Variants in PEX7 observed in about 807,000 individuals in gnomAD.
The protein encoded by PEX7 is peroxisomal biogenesis factor 7, also known as PTS2 receptor.
A neutral mutation model predicts 47.5 loss-of-function variants in PEX7; 34 were observed. The ratio of observed to expected loss-of-function variants is 0.72; its 90% CI spans 0.54 to 0.95. The LOEUF is 0.95. Among genes scored for constraint, PEX7 ranks in the 40% least tolerant of loss-of-function variants. The pLI, the probability that PEX7 is intolerant of heterozygous loss-of-function variation, is 0.00. For synonymous variants in PEX7, 141 were observed against 148.8 expected, an observed-to-expected ratio of 0.95 and a Z score of 0.38; for missense variants, 394 against 400.3, an observed-to-expected ratio of 0.98 and a Z score of 0.13.
chr6:136,895,631 T>A (rs1775635239), intron 8 of PEX7, among the ~76,000 whole-genome samples: 2 of 152,366 alleles, frequency 1.3e-5, no homozygotes, highest in Admixed American at 1.3e-4. Context: ...TTATGTTTCG[T>A]CCAGGGTTTT....
chr6:136,900,452 C>T lies in PEX7; in HGVS notation c.903+2211C>T, dbSNP rs1299153162. 2.2e-6 allele frequency: 1 copy of T among 449,584 alleles called. No homozygotes were observed. Among genetic ancestry groups the T allele is most frequent in the Admixed American group, 2.3e-5 (1 of 43,404 alleles). The allele number at this position is 449,584 out of a possible 1,614,324, so 27.8% of individuals were successfully genotyped here. ...GCAGTGTGAGCCACAGACTTGGGACCAAGGACATTGCCCCCCCAGTGACAG... is the reference window on the plus strand; with the variant it reads ...GCAGTGTGAGCCACAGACTTGGGACTAAGGACATTGCCCCCCCAGTGACAG... On this transcript the variant is annotated intron_variant, in intron 9 of 9. Coordinates refer to ENST00000318471, the MANE Select transcript of PEX7 (RefSeq NM_000288.4). This position sits in a 1 kb window ranked among gnomAD's most constrained non-coding sequence, Gnocchi z 4.2.
chr6:136,891,595 C>A (rs1485920357), intron 8 of PEX7, among the ~76,000 whole-genome samples: 1 of 151,324 alleles, frequency 6.6e-6, no homozygotes, highest in Non-Finnish European at 1.5e-5. Context: ...ATGTTACCAT[C>A]AGTAAATATT....
intron 5 of PEX7, among the ~76,000 whole-genome samples, chr6:136,860,586 G>A (rs58894761): frequency 0.017 from 2,580 of 151,146 alleles, 76 homozygotes; most frequent in African/African-American, 0.06. Context: ...GTTAATGGGT[G>A]CAGCACACCA....
chr6:136,910,788 T>C (rs754757023), intron 9 of PEX7, among the ~76,000 whole-genome samples: 14 of 152,248 alleles, frequency 9.2e-5, no homozygotes, highest in Non-Finnish European at 2.1e-4. Flanking sequence ...AAAAGCACTC[T>C]CTTGCTACTT....
At chr6:136,897,873 T>G (rs1405652275) in intron 8 of PEX7, among the ~76,000 whole-genome samples, 2 of 152,070 alleles carry the variant, frequency 1.3e-5, no homozygotes, top group East Asian at 3.8e-4. Flanking sequence ...TTGTTAAGCT[T>G]CTGTCCTAAA....
chr6:136,872,872 A>T (rs925505017), intron 8 of PEX7, among the ~76,000 whole-genome samples: 7 of 152,168 alleles, frequency 4.6e-5, no homozygotes, highest in Non-Finnish European at 1.0e-4. Flanking sequence ...ATGCTTAGAA[A>T]GTAGTTCAGA....
intron 5 of PEX7, among the ~76,000 whole-genome samples, chr6:136,849,562 T>C (rs1190146833): frequency 6.6e-6 from 1 of 152,226 alleles, no homozygotes; most frequent in Non-Finnish European, 1.5e-5. Context: ...GTCTTTGTTC[T>C]CATTGGTTTC....
chr6:136,880,114 C>G (rs1363701795), intron 8 of PEX7, among the ~76,000 whole-genome samples: 1 of 150,096 alleles, frequency 6.7e-6, no homozygotes, highest in Non-Finnish European at 1.5e-5. Context: ...TTACGGTTTT[C>G]TACTTCACTA....
chr6:136,861,899 A>G (rs1450924272), intron 5 of PEX7, among the ~76,000 whole-genome samples: 2 of 146,062 alleles, frequency 1.4e-5, no homozygotes, highest in Non-Finnish European at 3.0e-5. Context: ...CTATGTTTAT[A>G]TATATATTCA....
At chr6:136,868,459 C>A (rs1279488060) in intron 6 of PEX7, among the ~76,000 whole-genome samples, 1 of 151,862 alleles carries the variant, frequency 6.6e-6, no homozygotes, top group East Asian at 1.9e-4. Context: ...AATGATATTA[C>A]TCAATCTAAA....
intron 4 of PEX7, 38 bp downstream of exon 4, chr6:136,845,730 C>CA: frequency 1.3e-5 from 16 of 1,215,706 alleles, no homozygotes; most frequent in Non-Finnish European, 1.8e-5. Flanking sequence ...CGAATATTCC[C>CA]TTCTCTAGAG....
At chr6:136,836,211 T>C (rs570882476) in intron 3 of PEX7, among the ~76,000 whole-genome samples, 1 of 138,712 alleles carries the variant, frequency 7.2e-6, no homozygotes, top group South Asian at 2.4e-4. Flanking sequence ...TATGTAAATA[T>C]ATGTAAAATT....
chr6:136,849,952 G>T (rs1293267602), intron 5 of PEX7, among the ~76,000 whole-genome samples: 2 of 152,034 alleles, frequency 1.3e-5, no homozygotes, highest in Admixed American at 1.3e-4. Flanking sequence ...TGACAGTGGG[G>T]TGTTAAAGTC....
At chr6:136,901,278 AGTTATCT>A (rs1184410700) in intron 9 of PEX7, 1 of 152,278 alleles carries the variant, frequency 6.6e-6, no homozygotes, top group African/African-American at 2.4e-5. Context: ...CACTTTTGTC[AGTTATCT>A]ATTACTGTGT....
At chr6:136,863,282 C>T (rs1481333363) in intron 5 of PEX7, among the ~76,000 whole-genome samples, 2 of 152,134 alleles carry the variant, frequency 1.3e-5, no homozygotes, top group African/African-American at 4.8e-5. Flanking sequence ...TTTGGCCTGT[C>T]AGCTGTGGTC....
At chr6:136,856,637 G>A (rs1286101330) in intron 5 of PEX7, among the ~76,000 whole-genome samples, 1 of 152,346 alleles carries the variant, frequency 6.6e-6, no homozygotes, top group Non-Finnish European at 1.5e-5. Context: ...GGGTGAGGGG[G>A]ATACAATATT....
At chr6:136,883,372 G>C (rs939011043) in intron 8 of PEX7, among the ~76,000 whole-genome samples, 2 of 152,142 alleles carry the variant, frequency 1.3e-5, no homozygotes, top group Non-Finnish European at 2.9e-5. Flanking sequence ...TCTGGCAAAA[G>C]CCACTAGCGA....
intron 8 of PEX7, among the ~76,000 whole-genome samples, chr6:136,876,972 G>T (rs187522461): frequency 2.0e-5 from 3 of 152,056 alleles, no homozygotes; most frequent in Non-Finnish European, 4.4e-5. Flanking sequence ...AAAAGCCTTC[G>T]TATTTCTCCA....
chr6:136,911,465 G>T (rs1775931468), intron 9 of PEX7, among the ~76,000 whole-genome samples: 2 of 152,006 alleles, frequency 1.3e-5, no homozygotes, highest in South Asian at 4.2e-4. Flanking sequence ...GAGTGCAGTG[G>T]CATGATCTCG....
Sources: gnomAD v4.1 joint callset for allele counts (sites outside exome capture counted in the v4.1 genomes callset) on GRCh38, gnomAD v4.1.1 for gene constraint, Gnocchi (gnomAD v3.1) non-coding constraint, MANE v1.5 for transcripts, NCBI Gene and HGNC (gene_info 2026-07-23, HGNC 2026-07-21) for gene names.